SHC3: variants seen among roughly 807,000 people sequenced by gnomAD.
The protein encoded by SHC3 is SHC adaptor protein 3.
A neutral mutation model predicts 60.4 loss-of-function variants in SHC3; 15 were observed. That is an observed-to-expected ratio of 0.25 (90% CI 0.17 to 0.38). The LOEUF (loss-of-function observed/expected upper bound fraction) is 0.38. Ranked by LOEUF, SHC3 falls within the 10% of genes least tolerant of loss-of-function variation. The pLI is 1.00. For synonymous variants in SHC3, 294 were observed against 325.9 expected (o/e 0.90, Z 1.05); for missense variants, 677 against 786.1 (o/e 0.86, Z 1.66).
rs555318597 is a variant in SHC3 at position 89,013,684 on chromosome 9, G to C, written c.1657-109C>G. The C allele has an allele frequency of 2.1e-5, 30 of 1,449,866 alleles. 1 individual carries two copies. The highest frequency in any genetic ancestry group is 1.9e-4 in the Middle Eastern group (1 of 5,362). 89.8% of individuals were successfully genotyped at this position (1,449,866 alleles called of 1,614,324 possible). ...TCTGAACTGGCCCAGAAGGAAAGGA[G>C]GGGGGGACAAGGGGCTTCCACCACT... On this transcript the variant is annotated intron_variant, in intron 11 of 11. Transcript: ENST00000375835.
At chr9:89,056,628 T>C (rs577725349) in intron 6 of SHC3, among the ~76,000 whole-genome samples, 5 of 152,356 alleles carry the variant, frequency 3.3e-5, no homozygotes, top group African/African-American at 9.6e-5. Context: ...TTCACACAGC[T>C]GAGAACCCAC....
chr9:89,055,459 T>C (rs1197644155), intron 6 of SHC3, among the ~76,000 whole-genome samples: 1 of 152,256 alleles, frequency 6.6e-6, no homozygotes, highest in Non-Finnish European at 1.5e-5. Context: ...CGTCTCTGGC[T>C]GAAATCAACC....
intron 5 of SHC3, among the ~76,000 whole-genome samples, chr9:89,067,828 C>G (rs1825208229): frequency 6.6e-6 from 1 of 152,064 alleles, no homozygotes; most frequent in African/African-American, 2.4e-5. Flanking sequence ...TTGTATTTAA[C>G]TTTCAAATTT....
At chr9:89,044,711 CTT>C (rs1482761746) in intron 9 of SHC3, among the ~76,000 whole-genome samples, 3 of 152,276 alleles carry the variant, frequency 2.0e-5, no homozygotes, top group Non-Finnish European at 2.9e-5. Context: ...AGAATAAAGA[CTT>C]ATGTGAGCAA....
At position 89,077,837 on chromosome 9, in the gene SHC3, T is replaced by C. The variant is rs781535898; in HGVS notation, c.609+3A>G. On this transcript the variant is annotated splice_donor_region_variant and intron_variant, in intron 3 of 11. Coordinates refer to ENST00000375835, the MANE Select transcript of SHC3 (RefSeq NM_016848.6). ...GTTAGACACAGAGCATTGAGGACAG[T>C]ACCTTTCTCTTCTTGAAGGCTCCCT... The C allele has an allele frequency of 6.2e-7, 1 of 1,614,200 alleles. No individual in the cohort carries two copies. The highest frequency in any genetic ancestry group is 1.1e-5 in the South Asian group (1 of 91,086).
At chr9:89,036,629 A>G (rs1824583271) in intron 11 of SHC3, among the ~76,000 whole-genome samples, 1 of 152,244 alleles carries the variant, frequency 6.6e-6, no homozygotes, top group South Asian at 2.1e-4. Context: ...CCACCACAGT[A>G]ATGATCTGAT....
chr9:89,153,215 T>C (rs1473605548), intron 1 of SHC3, among the ~76,000 whole-genome samples: 1 of 152,230 alleles, frequency 6.6e-6, no homozygotes, highest in Admixed American at 6.5e-5. Flanking sequence ...TCCTAGTAAA[T>C]AATGTATGTT....
intron 11 of SHC3, among the ~76,000 whole-genome samples, chr9:89,023,354 G>T (rs1826236011): frequency 1.3e-5 from 2 of 152,234 alleles, no homozygotes; most frequent in African/African-American, 2.4e-5. Context: ...CAGTGGGAAG[G>T]AATCAAGCTC....
chr9:89,067,779 T>G (rs1825207506), intron 5 of SHC3, among the ~76,000 whole-genome samples: 1 of 152,232 alleles, frequency 6.6e-6, no homozygotes, highest in Non-Finnish European at 1.5e-5. Context: ...CATAGCAAAG[T>G]AATATTACAT....
chr9:89,142,492 G>A (rs932452681), intron 1 of SHC3, among the ~76,000 whole-genome samples: 3 of 151,984 alleles, frequency 2.0e-5, no homozygotes, highest in Non-Finnish European at 1.5e-5. Flanking sequence ...AAACCAGCCT[G>A]GCCAACATGG....
intron 1 of SHC3, among the ~76,000 whole-genome samples, chr9:89,162,825 A>C (rs1826729642): frequency 6.7e-6 from 1 of 148,324 alleles, no homozygotes; most frequent in Admixed American, 6.7e-5. Flanking sequence ...AATGGGAGAA[A>C]ATTTTCGCAA....
In SHC3 at chr9:89,131,848, C is replaced by T. The variant is rs1045565836; in HGVS notation, c.475-19222G>A. ...GAAGCATTCCCTTTGAAAACTGGCA[C>T]AAGACAGGGATGCCCTCTCTCACCA... On this transcript the variant is annotated intron_variant, in intron 1 of 11. Transcript: ENST00000375835. 4.6e-5 allele frequency among the ~76,000 whole-genome samples: 7 copies of T among 152,220 alleles called. No individual in the cohort carries two copies. In the East Asian group the frequency reaches 1.4e-3, roughly 29 times the overall value.
intron 1 of SHC3, among the ~76,000 whole-genome samples, chr9:89,146,751 G>A (rs1826475368): frequency 6.6e-6 from 1 of 152,158 alleles, no homozygotes; most frequent in Non-Finnish European, 1.5e-5. Context: ...GTCATTTGTA[G>A]TGGCAAAAAT....
intron 7 of SHC3, among the ~76,000 whole-genome samples, chr9:89,051,151 C>A (rs1299783189): frequency 2.0e-5 from 3 of 152,092 alleles, no homozygotes; most frequent in Admixed American, 6.5e-5. Flanking sequence ...GAGTCTGACT[C>A]TAGAACTAAG....
intron 1 of SHC3, among the ~76,000 whole-genome samples, chr9:89,138,660 A>G (rs954045143): frequency 5.9e-5 from 9 of 152,094 alleles, no homozygotes; most frequent in Non-Finnish European, 1.3e-4. Flanking sequence ...GCCTCATTTT[A>G]TCCAGCCCCT....
At chr9:89,054,027 G>C (rs1419299599) in intron 6 of SHC3, among the ~76,000 whole-genome samples, 1 of 152,170 alleles carries the variant, frequency 6.6e-6, no homozygotes, top group African/African-American at 2.4e-5. Context: ...GGTCAGAAAG[G>C]GTAGCCTGTT....
intron 2 of SHC3, among the ~76,000 whole-genome samples, chr9:89,082,554 G>T (rs1825462015): frequency 2.0e-5 from 3 of 152,212 alleles, no homozygotes; most frequent in African/African-American, 7.2e-5. Context: ...TGAAGCTAGA[G>T]GGAACCATCG....
intron 11 of SHC3, among the ~76,000 whole-genome samples, chr9:89,017,662 A>T (rs938101584): frequency 6.6e-6 from 1 of 152,120 alleles, no homozygotes; most frequent in Non-Finnish European, 1.5e-5. Context: ...CTAATTAAAC[A>T]AAAGAGCTTC....
chr9:89,011,044 G>A lies in SHC3; in HGVS notation c.*2403C>T, dbSNP rs1826008260. The A allele has an allele frequency of 6.6e-6, 1 of 152,258 alleles. No individual in the cohort carries two copies. Among genetic ancestry groups the A allele is most frequent in the African/African-American group, 2.4e-5 (1 of 41,454 alleles). 9.4% of individuals were successfully genotyped at this position (152,258 alleles called of 1,614,324 possible). A position where few individuals can be genotyped will look rare whatever the true frequency, so the allele number is the denominator to read the frequency against. ...GCTCTAACCCACTTTACAAATGGGA[G>A]GGAACAAAGATTAGAAAATCGCTGC... On this transcript the variant is annotated 3_prime_UTR_variant, in exon 12 of 12. Transcript: ENST00000375835.
Sources: allele counts gnomAD v4.1 joint callset (sites outside exome capture counted in the v4.1 genomes callset), GRCh38; gene constraint gnomAD v4.1.1; transcripts MANE v1.5; gene names NCBI Gene and HGNC (gene_info 2026-07-23, HGNC 2026-07-21).